Variants in SOX6 observed in about 807,000 individuals in gnomAD.
SOX6 encodes the protein transcription factor SOX-6.
Under a neutral mutation model 97.8 loss-of-function variants are expected in SOX6, and 11 were observed. The observed-to-expected ratio is 0.11, with a 90% CI of 0.07 to 0.19. The LOEUF (loss-of-function observed/expected upper bound fraction) is 0.19, where lower values mean the gene tolerates loss of function less well. Ranked by LOEUF, SOX6 falls within the 10% of genes least tolerant of loss-of-function variation. The probability of loss-of-function intolerance (pLI) is 1.00; values close to 1 mark genes in which losing one functional copy is unlikely to be tolerated. For missense variants in SOX6, 810 were observed against 1,039.5 expected (o/e 0.78, Z 3.04); for synonymous variants, 360 against 371.4 (o/e 0.97, Z 0.35).
At chr11:16,667,002 C>T (rs1000281536) in intron 3 of SOX6, among the ~76,000 whole-genome samples, 3 of 151,408 alleles carry the variant, frequency 2.0e-5, no homozygotes, top group East Asian at 3.9e-4. Flanking sequence ...ATTGGGAAGC[C>T]AAGTCCAGAA....
At chr11:16,040,061 C>T (rs1415177352) in intron 12 of SOX6, among the ~76,000 whole-genome samples, 3 of 152,024 alleles carry the variant, frequency 2.0e-5, no homozygotes, top group African/African-American at 7.2e-5. Flanking sequence ...AAACCAACAA[C>T]TCTTTCACAG....
intron 1 of SOX6, chr11:16,397,341 A>G (rs1858391638): frequency 6.6e-6 from 1 of 151,998 alleles, no homozygotes; most frequent in Non-Finnish European, 1.5e-5. Context: ...AGAACTTTTT[A>G]GATTTGTTCC....
At chr11:16,122,329 CCT>C (rs1352584353) in intron 6 of SOX6, among the ~76,000 whole-genome samples, 3 of 151,904 alleles carry the variant, frequency 2.0e-5, no homozygotes, top group Non-Finnish European at 4.4e-5. Context: ...CCTATTCCAC[CCT>C]GTCTTATTTC....
At chr11:16,153,497 CAAAT>C (rs1485891111) in intron 6 of SOX6, among the ~76,000 whole-genome samples, 7 of 151,998 alleles carry the variant, frequency 4.6e-5, no homozygotes. Flanking sequence ...ACTGGTTAGA[CAAAT>C]AAATAAAAGA....
intron 4 of SOX6, among the ~76,000 whole-genome samples, chr11:16,519,670 C>T (rs1306006815): frequency 6.6e-6 from 1 of 152,090 alleles, no homozygotes; most frequent in African/African-American, 2.4e-5. Context: ...CAGATGAGTA[C>T]AGGTGTCTTT....
intron 9 of SOX6, among the ~76,000 whole-genome samples, chr11:16,058,038 T>C (rs1847862635): frequency 6.6e-6 from 1 of 152,122 alleles, no homozygotes; most frequent in Non-Finnish European, 1.5e-5. Context: ...TAGGAAACTT[T>C]TTTGATGTTT....
intron 1 of SOX6, among the ~76,000 whole-genome samples, chr11:16,447,963 A>C (rs1367673204): frequency 6.6e-6 from 1 of 152,210 alleles, no homozygotes; most frequent in Non-Finnish European, 1.5e-5. Context: ...TGTGTTAAGT[A>C]ACCCAGTCAT....
chr11:16,568,231 C>T (rs538305125), intron 4 of SOX6, among the ~76,000 whole-genome samples: 23 of 152,046 alleles, frequency 1.5e-4, no homozygotes, highest in Non-Finnish European at 2.9e-4. Flanking sequence ...AAATTCAAAA[C>T]ACTTCTGGTC....
chr11:16,640,467 A>G (rs1848890963), intron 3 of SOX6, among the ~76,000 whole-genome samples: 1 of 152,200 alleles, frequency 6.6e-6, no homozygotes, highest in Non-Finnish European at 1.5e-5. Flanking sequence ...ATTGATTGGA[A>G]TAGTTTCAGA....
intron 6 of SOX6, among the ~76,000 whole-genome samples, chr11:16,133,061 A>C (rs79512834): frequency 6.6e-6 from 1 of 152,230 alleles, no homozygotes; most frequent in Non-Finnish European, 1.5e-5. Flanking sequence ...ATAAAAAAAA[A>C]TGGCCTAATT....
intron 4 of SOX6, among the ~76,000 whole-genome samples, chr11:16,563,961 A>G (rs1233751104): frequency 6.6e-6 from 1 of 152,196 alleles, no homozygotes; most frequent in Non-Finnish European, 1.5e-5. Context: ...ATATTTTCGA[A>G]GTGCTGAAAG....
At position 16,318,631 on chromosome 11, in the gene SOX6, C is replaced by T; in HGVS notation, c.260G>A (p.Cys87Tyr). 1 of 1,612,894 alleles carries T rather than the reference C, an allele frequency of 6.2e-7. No homozygotes were observed. Among genetic ancestry groups the T allele is most frequent in the South Asian group, 1.1e-5 (1 of 91,032 alleles). The part of the protein sequence containing the change: ...QRMESENNKL[C>Y]SLYSFRNTST... ...GGTATTTCGGAAGGAATATAGGGAA[C>T]ATAACTTATTATTCTCTGATTCCTA... Residue 87 changes from cysteine to tyrosine, a missense_variant, in exon 3 of 16, where the codon TGT becomes TAT. By Grantham distance (194) the Cys-to-Tyr change is radical. Coordinates refer to ENST00000683767, the MANE Select transcript of SOX6 (RefSeq NM_001367873.1).
chr11:16,242,658 T>C (rs934530327), intron 3 of SOX6, among the ~76,000 whole-genome samples: 1 of 151,454 alleles, frequency 6.6e-6, no homozygotes. Flanking sequence ...AAAAAAAACC[T>C]TTCCTCTGAG....
intron 13 of SOX6, among the ~76,000 whole-genome samples, chr11:15,991,525 T>A (rs1421331360): frequency 6.6e-6 from 1 of 152,220 alleles, no homozygotes; most frequent in African/African-American, 2.4e-5. Context: ...TATACTGACA[T>A]GCATTCACAT....
chr11:16,584,175 G>A (rs1046743253), intron 4 of SOX6, among the ~76,000 whole-genome samples: 2 of 152,088 alleles, frequency 1.3e-5, no homozygotes, highest in Admixed American at 6.6e-5. Flanking sequence ...TTACATCCTG[G>A]TGGAAAGGAG....
At chr11:16,222,084 C>A (rs1225595799) in intron 4 of SOX6, among the ~76,000 whole-genome samples, 1 of 152,158 alleles carries the variant, frequency 6.6e-6, no homozygotes, top group East Asian at 1.9e-4. Context: ...CCTTCATACA[C>A]TTCAATCAAA....
At chr11:15,976,912 G>A (rs969777339) in intron 15 of SOX6, among the ~76,000 whole-genome samples, 1 of 151,896 alleles carries the variant, frequency 6.6e-6, no homozygotes, top group Non-Finnish European at 1.5e-5. Context: ...TCTAGGCCAC[G>A]AGTCTCCCTA....
chr11:16,098,784 G>C (rs887441271), intron 7 of SOX6, among the ~76,000 whole-genome samples: 1 of 151,824 alleles, frequency 6.6e-6, no homozygotes, highest in African/African-American at 2.4e-5. Flanking sequence ...ACTGAAAGCT[G>C]AATGTAATAA....
intron 3 of SOX6, among the ~76,000 whole-genome samples, chr11:16,624,950 T>A (rs1009734671): frequency 6.6e-6 from 1 of 152,210 alleles, no homozygotes; most frequent in Non-Finnish European, 1.5e-5. Context: ...AGGTCTTTGA[T>A]CTTTTTTTGG....
Sources: gnomAD v4.1 joint callset for allele counts (sites outside exome capture counted in the v4.1 genomes callset) on GRCh38, gnomAD v4.1.1 for gene constraint, MANE v1.5 for transcripts, NCBI Gene and HGNC (gene_info 2026-07-23, HGNC 2026-07-21) for gene names.